Variants in ARB2A observed in about 807,000 individuals in gnomAD.
ARB2A encodes ARB2 cotranscriptional regulator A.
At chr5:93,903,095 C>A in the ARB2A span, among the ~76,000 whole-genome samples, 1 of 152,068 alleles carries the variant, frequency 6.6e-6, no homozygotes, top group African/African-American at 2.4e-5. Flanking sequence ...AGCGTTATGT[C>A]CAAAGCACCT....
the ARB2A span, among the ~76,000 whole-genome samples, chr5:93,951,460 A>G: frequency 1.8e-4 from 27 of 152,194 alleles, no homozygotes; most frequent in East Asian, 3.9e-3. Flanking sequence ...TCATAGTTTG[A>G]GGTCTTAAAT....
chr5:93,839,145 T>C, the ARB2A span, among the ~76,000 whole-genome samples: 1 of 152,224 alleles, frequency 6.6e-6, no homozygotes, highest in Admixed American at 6.5e-5. Flanking sequence ...CTTCCAGCTT[T>C]TGCCCATTCA....
the ARB2A span, among the ~76,000 whole-genome samples, chr5:93,648,086 C>A: frequency 6.8e-6 from 1 of 147,770 alleles, no homozygotes; most frequent in Non-Finnish European, 1.5e-5. Context: ...CCTGTGGCTG[C>A]AGTGAGCTGT....
chr5:93,880,037 T>A, the ARB2A span, among the ~76,000 whole-genome samples: 440 of 151,936 alleles, frequency 2.9e-3, 2 homozygotes, highest in Middle Eastern at 0.01. Flanking sequence ...GACCCCGATG[T>A]AATCATATGA....
chr5:94,044,481 C>T, the ARB2A span, among the ~76,000 whole-genome samples: 341 of 152,202 alleles, frequency 2.2e-3, 1 homozygote, highest in African/African-American at 7.9e-3. Context: ...GGAATATCAT[C>T]GCCCCTATTC....
chr5:93,813,299 T>A, the ARB2A span, among the ~76,000 whole-genome samples: 2 of 152,178 alleles, frequency 1.3e-5, no homozygotes, highest in East Asian at 3.9e-4. Flanking sequence ...GTTCTAGTGT[T>A]TTCTAGAAGG....
the ARB2A span, chr5:93,734,120 G>C: frequency 6.6e-6 from 1 of 152,130 alleles, no homozygotes; most frequent in African/African-American, 2.4e-5. Context: ...TGATTTCTTA[G>C]AGAATAAGAA....
chr5:93,696,749 C>A, the ARB2A span, among the ~76,000 whole-genome samples: 2 of 152,042 alleles, frequency 1.3e-5, no homozygotes, highest in Admixed American at 1.3e-4. Context: ...CTCCTCTCTT[C>A]ACATTACTGT....
the ARB2A span, among the ~76,000 whole-genome samples, chr5:93,721,641 C>A: frequency 6.6e-6 from 1 of 152,052 alleles, no homozygotes; most frequent in African/African-American, 2.4e-5. Context: ...TGTTTCCCAA[C>A]GTTGAGGAAC....
the ARB2A span, among the ~76,000 whole-genome samples, chr5:94,051,791 C>A: frequency 6.6e-6 from 1 of 152,158 alleles, no homozygotes; most frequent in African/African-American, 2.4e-5. Context: ...GGACTCTCCT[C>A]AGAGCAAATA....
the ARB2A span, among the ~76,000 whole-genome samples, chr5:93,786,045 A>C: frequency 6.6e-6 from 1 of 152,204 alleles, no homozygotes; most frequent in Non-Finnish European, 1.5e-5. Flanking sequence ...AAATGGTAAC[A>C]CTTTTAGAGA....
the ARB2A span, among the ~76,000 whole-genome samples, chr5:93,774,432 A>T: frequency 2.0e-5 from 3 of 152,372 alleles, no homozygotes; most frequent in Admixed American, 1.3e-4. Context: ...CCAAGTAGTG[A>T]ATGCAAAGGA....
the ARB2A span, among the ~76,000 whole-genome samples, chr5:94,049,935 CAG>C: frequency 6.6e-6 from 1 of 151,962 alleles, no homozygotes; most frequent in Admixed American, 6.6e-5. Context: ...TGTGTAAAAA[CAG>C]AAGTTTTTTC....
the ARB2A span, among the ~76,000 whole-genome samples, chr5:93,699,080 GT>G: frequency 6.6e-6 from 1 of 152,158 alleles, no homozygotes; most frequent in Non-Finnish European, 1.5e-5. Flanking sequence ...ATCCTATGTA[GT>G]AAGCCCTACT....
chr5:93,797,821 T>C, the ARB2A span, among the ~76,000 whole-genome samples: 6 of 151,972 alleles, frequency 3.9e-5, no homozygotes, highest in African/African-American at 1.5e-4. Flanking sequence ...ACAAGAGAGG[T>C]GTTTTCAGAA....
chr5:94,073,178 T>A, the ARB2A span, among the ~76,000 whole-genome samples: 1 of 152,144 alleles, frequency 6.6e-6, no homozygotes. Context: ...ACTGTCTTCC[T>A]GTTAAGTTTA....
At chr5:94,044,606 C>T in the ARB2A span, among the ~76,000 whole-genome samples, 2 of 152,224 alleles carry the variant, frequency 1.3e-5, no homozygotes, top group African/African-American at 2.4e-5. Flanking sequence ...AGAGCAACTC[C>T]GTCTTGAAAA....
At chr5:94,074,379 T>G in the ARB2A span, among the ~76,000 whole-genome samples, 1 of 152,110 alleles carries the variant, frequency 6.6e-6, no homozygotes, top group Non-Finnish European at 1.5e-5. Flanking sequence ...AAAAACTTAT[T>G]AATTTTATTA....
At chr5:93,931,626 TTTTA>T in the ARB2A span, among the ~76,000 whole-genome samples, 8 of 152,174 alleles carry the variant, frequency 5.3e-5, no homozygotes, top group Non-Finnish European at 7.3e-5. Flanking sequence ...TCTAGTTAAT[TTTTA>T]TTTAAGTATT....
Sources: allele counts gnomAD v4.1 joint callset (sites outside exome capture counted in the v4.1 genomes callset), GRCh38; gene constraint gnomAD v4.1.1; transcripts MANE v1.5; gene names NCBI Gene and HGNC (gene_info 2026-07-23, HGNC 2026-07-21).